Variants in MTMR8 observed in about 807,000 individuals in gnomAD.
MTMR8 encodes phosphatidylinositol-3,5-bisphosphate 3-phosphatase MTMR8.
In MTMR8, 65 loss-of-function variants were observed where a neutral mutation model predicts 39.3. The observed-to-expected ratio is 1.65, with a 90% CI of 1.35 to 2.03. MTMR8 has a LOEUF of 2.03. Among genes scored for constraint, MTMR8 ranks in the 30% most tolerant of loss-of-function variants. The probability of loss-of-function intolerance (pLI) is 0.00; values close to 1 mark genes in which losing one functional copy is unlikely to be tolerated. For synonymous variants in MTMR8, 245 were observed against 185.2 expected (o/e 1.32, Z -2.62); for missense variants, 777 against 538.9 (o/e 1.44, Z -4.37).
At chrX:64,279,376 T>C (rs1426262225) in intron 12 of MTMR8, among the ~76,000 whole-genome samples, 1 of 112,093 alleles carries the variant, frequency 8.9e-6, no homozygotes, top group African/African-American at 3.2e-5. Context: ...AGCTTTACCT[T>C]TAAGATTGTG....
chrX:64,282,657 T>C (rs976534076), intron 12 of MTMR8, among the ~76,000 whole-genome samples: 7 of 111,608 alleles, frequency 6.3e-5, no homozygotes, highest in African/African-American at 2.3e-4. Context: ...AACATCATGA[T>C]ACTGAATTCA....
At chrX:64,323,823 C>T (rs185903974) in intron 12 of MTMR8, among the ~76,000 whole-genome samples, 181 of 111,303 alleles carry the variant, frequency 1.6e-3, no homozygotes, top group Non-Finnish European at 2.3e-3. Context: ...ACCAACAGGT[C>T]AATGAAGAAA....
intron 1 of MTMR8, among the ~76,000 whole-genome samples, chrX:64,362,194 A>T (rs973666394): frequency 9.2e-6 from 1 of 109,215 alleles, no homozygotes; most frequent in Non-Finnish European, 1.9e-5. Flanking sequence ...TAAAGAAATA[A>T]TGTCTATGCT....
intron 12 of MTMR8, among the ~76,000 whole-genome samples, chrX:64,309,779 A>T (rs1470704000): frequency 1.8e-5 from 2 of 112,639 alleles, no homozygotes; most frequent in African/African-American, 6.4e-5. Context: ...GCATGTAATT[A>T]TGTTTACAAT....
At chrX:64,292,362 C>G (rs1418311120) in intron 12 of MTMR8, among the ~76,000 whole-genome samples, 1 of 111,316 alleles carries the variant, frequency 9.0e-6, no homozygotes, top group Non-Finnish European at 1.9e-5. Flanking sequence ...TCCAGGACAC[C>G]AAAGGAAGTG....
At chrX:64,392,352 A>ATT (rs1369740221) in intron 1 of MTMR8, among the ~76,000 whole-genome samples, 1 of 112,729 alleles carries the variant, frequency 8.9e-6, no homozygotes, top group East Asian at 2.8e-4. Flanking sequence ...ACAAAACATA[A>ATT]TATAGCAATG....
At chrX:64,379,406 G>A (rs1399415927) in intron 1 of MTMR8, among the ~76,000 whole-genome samples, 1 of 111,333 alleles carries the variant, frequency 9.0e-6, no homozygotes, top group Non-Finnish European at 1.9e-5. Flanking sequence ...AGTTTGCTAG[G>A]GCTGCCATAA....
At chrX:64,366,386 C>T (rs1198170775) in intron 1 of MTMR8, among the ~76,000 whole-genome samples, 1 of 111,859 alleles carries the variant, frequency 8.9e-6, no homozygotes, top group Non-Finnish European at 1.9e-5. Context: ...TATAAAAGAA[C>T]AGAAATCACA....
intron 1 of MTMR8, among the ~76,000 whole-genome samples, chrX:64,361,979 G>T (rs1250710979): frequency 6.4e-5 from 7 of 110,199 alleles, no homozygotes; most frequent in Non-Finnish European, 9.5e-5. Context: ...GTTCAGCAAG[G>T]ATACCAAATA....
intron 12 of MTMR8, among the ~76,000 whole-genome samples, chrX:64,274,188 T>C (rs1442099544): frequency 8.9e-6 from 1 of 111,954 alleles, no homozygotes; most frequent in Non-Finnish European, 1.9e-5. Context: ...TTCTCCAAGA[T>C]AGATCACATG....
At chrX:64,320,467 T>G (rs970391204) in intron 12 of MTMR8, among the ~76,000 whole-genome samples, 3 of 110,886 alleles carry the variant, frequency 2.7e-5, no homozygotes, top group Admixed American at 1.9e-4. Flanking sequence ...GGTAGCTCCC[T>G]AAGGTATGGG....
intron 8 of MTMR8, among the ~76,000 whole-genome samples, chrX:64,340,778 A>G (rs753100945): frequency 8.9e-6 from 1 of 112,085 alleles, no homozygotes; most frequent in South Asian, 3.8e-4. Context: ...ACAGAAAATG[A>G]TACTGGATTT....
intron 12 of MTMR8, among the ~76,000 whole-genome samples, chrX:64,294,101 G>A (rs1921488024): frequency 9.0e-6 from 1 of 111,731 alleles, no homozygotes; most frequent in Admixed American, 9.5e-5. Flanking sequence ...CATCTCACCT[G>A]TCAATCCTCT....
At chrX:64,303,213 T>C (rs990136347) in intron 12 of MTMR8, among the ~76,000 whole-genome samples, 1 of 112,539 alleles carries the variant, frequency 8.9e-6, no homozygotes, top group Non-Finnish European at 1.9e-5. Flanking sequence ...TAGTATCTGA[T>C]TGAGCATTTG....
At chrX:64,305,649 G>C (rs1922084697) in intron 12 of MTMR8, 2 of 534,468 alleles carry the variant, frequency 3.7e-6, no homozygotes, top group Admixed American at 4.5e-5. Flanking sequence ...AACTATTCCA[G>C]AGTCTACTAC....
intron 12 of MTMR8, among the ~76,000 whole-genome samples, chrX:64,301,208 G>T (rs1457812326): frequency 9.1e-6 from 1 of 109,384 alleles, no homozygotes; most frequent in Admixed American, 9.8e-5. Context: ...TCACTTTCAG[G>T]TACACCAATC....
At chrX:64,300,714 C>A (rs762944735) in intron 12 of MTMR8, among the ~76,000 whole-genome samples, 2 of 103,670 alleles carry the variant, frequency 1.9e-5, no homozygotes, top group Non-Finnish European at 3.9e-5. Context: ...GCAGCTGGTA[C>A]CGGTTGTTCC....
intron 2 of MTMR8, 146 bp from the exon 3 acceptor site, chrX:64,356,484 A>C: frequency 4.0e-6 from 2 of 501,804 alleles, no homozygotes; most frequent in Non-Finnish European, 6.4e-6. Context: ...GTAAGACACA[A>C]CTGGGGTTCT....
At chrX:64,371,747 A>C (rs1253631501) in intron 1 of MTMR8, among the ~76,000 whole-genome samples, 1 of 111,211 alleles carries the variant, frequency 9.0e-6, no homozygotes, top group South Asian at 3.7e-4. Context: ...TGCCAATAAT[A>C]GGAGAAAACT....
Sources: allele counts gnomAD v4.1 joint callset (sites outside exome capture counted in the v4.1 genomes callset), GRCh38; gene constraint gnomAD v4.1.1; transcripts MANE v1.5; gene names NCBI Gene and HGNC (gene_info 2026-07-23, HGNC 2026-07-21).